The following TM7SF2 variants were observed in gnomAD, a reference collection of about 807,000 sequenced individuals.
TM7SF2 encodes the protein transmembrane 7 superfamily member 2, also known as delta(14)-sterol reductase TM7SF2.
TM7SF2 carries 51 observed loss-of-function variants against 51.0 expected under a neutral mutation model. That is an observed-to-expected ratio of 1.00 (90% confidence interval 0.80 to 1.26). The LOEUF (loss-of-function observed/expected upper bound fraction) is 1.26. TM7SF2 is among the 50% of genes most tolerant of loss of function. The probability of loss-of-function intolerance (pLI) is 0.00; values close to 1 mark genes in which losing one functional copy is unlikely to be tolerated. For missense variants in TM7SF2, 541 were observed against 547.4 expected (o/e 0.99, Z 0.12); for synonymous variants, 255 against 241.0 (o/e 1.06, Z -0.54).
Position 65,112,855 on chromosome 11 carries a change from T to G in TM7SF2, c.294T>G (p.Tyr98Ter). ...TGAAGGACAAGAGTCGCCTGCGCTATCCTATTAACGGTGCCTAGGGGACGG... is the reference window on the plus strand; with the variant it reads ...TGAAGGACAAGAGTCGCCTGCGCTAGCCTATTAACGGTGCCTAGGGGACGG... Reference protein sequence around the residue: ...QELKDKSRLRYPINGFQALVL... With the variant: ...QELKDKSRLR The change falls in exon 3 of 10, where the codon TAT (tyrosine) becomes TAG (stop). Residue 98 changes from tyrosine to a stop codon, truncating the protein, a stop_gained. Coordinates refer to ENST00000279263, the MANE Select transcript of TM7SF2 (RefSeq NM_003273.6). LOFTEE classifies it high-confidence loss of function. The G allele has an allele frequency of 6.5e-7, 1 of 1,550,188 alleles. No individual in the cohort carries two copies. The highest frequency in any genetic ancestry group is 8.7e-7 in the Non-Finnish European group (1 of 1,146,888).
At chr11:65,115,729 TG>T (rs1947972311) in intron 9 of TM7SF2, 131 bp downstream of exon 9, 7 of 1,571,956 alleles carry the variant, frequency 4.5e-6, no homozygotes, top group Non-Finnish European at 6.1e-6. Context: ...AGTGTGTGGC[TG>T]GGGCACACCT....
In TM7SF2 at chr11:65,112,506, T is replaced by G; in HGVS notation, c.53-9T>G. On this transcript the variant is annotated splice_polypyrimidine_tract_variant and intron_variant, in intron 1 of 9. Coordinates refer to ENST00000279263, the MANE Select transcript of TM7SF2 (RefSeq NM_003273.6). The stretch of plus-strand genomic sequence containing the variant: ...GGGCGGACGCCCGACGTGATGGCCC[T>G]TCCCGCAGGCGCCGCGGCTCTGCTA... The G allele has an allele frequency of 6.6e-7, 1 of 1,508,204 alleles. No homozygotes were observed. Among genetic ancestry groups the G allele is most frequent in the Middle Eastern group, 2.3e-4 (1 of 4,276 alleles). 93.4% of individuals were successfully genotyped at this position (1,508,204 alleles called of 1,614,324 possible).
intron 3 of TM7SF2, 126 bp from the exon 4 acceptor site, chr11:65,113,094 C>A: frequency 8.6e-7 from 1 of 1,162,886 alleles, no homozygotes; most frequent in Non-Finnish European, 1.2e-6. Flanking sequence ...CCTCTGAAGG[C>A]CAGGGTGGCA....
Position 65,112,834 on chromosome 11 carries a change from G to A in TM7SF2, c.273G>A (p.Lys91=). The A allele has an allele frequency of 6.4e-7, 1 of 1,550,768 alleles. No individual in the cohort carries two copies. The change falls in exon 3 of 10, where the codon AAG becomes AAA. Residue 91 remains lysine (K), a synonymous_variant. Coordinates refer to ENST00000279263, the MANE Select transcript of TM7SF2 (RefSeq NM_003273.6). Reference sequence around the variant, plus strand: ...AGGTGGCCGAGGGGCAGGAATTGAAGGACAAGAGTCGCCTGCGCTATCCTA... The same window carrying A: ...AGGTGGCCGAGGGGCAGGAATTGAAAGACAAGAGTCGCCTGCGCTATCCTA... The part of the protein sequence containing the change: ...ARKVAEGQEL[K]DKSRLRYPIN...
chr11:65,114,497 C>T (rs1413278301), intron 5 of TM7SF2, among the ~76,000 whole-genome samples: 7 of 152,270 alleles, frequency 4.6e-5, no homozygotes, highest in East Asian at 1.9e-4. Flanking sequence ...TCTGTTTGAG[C>T]ACTGAAGCCT....
At chr11:65,114,492 T>G (rs1183753242) in intron 5 of TM7SF2, among the ~76,000 whole-genome samples, 1 of 152,200 alleles carries the variant, frequency 6.6e-6, no homozygotes, top group African/African-American at 2.4e-5. Flanking sequence ...ACAGGTCTGT[T>G]TGAGCACTGA....
At chr11:65,114,417 G>A (rs1294518428) in intron 5 of TM7SF2, among the ~76,000 whole-genome samples, 1 of 152,210 alleles carries the variant, frequency 6.6e-6, no homozygotes, top group African/African-American at 2.4e-5. Flanking sequence ...TCACACAGGG[G>A]TGGGGGAAAG....
At chr11:65,112,940 C>A (rs1336175612) in intron 3 of TM7SF2, 75 bp downstream of exon 3, 3 of 1,512,382 alleles carry the variant, frequency 2.0e-6, no homozygotes, top group Non-Finnish European at 2.7e-6. Context: ...GGGAGGTCCA[C>A]GGAGATTGGC....
In TM7SF2 at chr11:65,114,944, A is replaced by C. The variant is rs1947957287; in HGVS notation, c.755A>C (p.His252Pro). ...GTCCTCACCACCATGGATATCACAC[A>C]TGACGGGTTTGGCTTCATGCTGGCG... is the stretch of plus-strand genomic sequence containing the variant. ...EAVLTTMDIT[H>P]DGFGFMLAFG... The change falls in exon 7 of 10, where the codon CAT becomes CCT. Residue 252 changes from histidine to proline, a missense_variant. Physicochemically the swap from His to Pro is moderately conservative, Grantham distance 77 (BLOSUM62 -2). Coordinates refer to ENST00000279263, the MANE Select transcript of TM7SF2 (RefSeq NM_003273.6). The C allele has an allele frequency of 6.2e-7, 1 of 1,614,024 alleles. No homozygotes were observed. The highest frequency in any genetic ancestry group is 8.5e-7 in the Non-Finnish European group (1 of 1,179,990).
chr11:65,113,043 T>C, intron 3 of TM7SF2, 177 bp from the exon 4 acceptor site: 1 of 1,032,246 alleles, frequency 9.7e-7, no homozygotes. Context: ...CCTTACCCCA[T>C]TTACTGCTAC....
At chr11:65,115,253 C>G in intron 7 of TM7SF2, 61 bp from the exon 8 acceptor site, 1 of 1,600,186 alleles carries the variant, frequency 6.2e-7, no homozygotes, top group South Asian at 1.1e-5. Context: ...GGCAGATGTT[C>G]GGGGTCAGGC....
At chr11:65,112,457 G>A in intron 1 of TM7SF2, 58 bp from the exon 2 acceptor site, 1 of 1,451,222 alleles carries the variant, frequency 6.9e-7, no homozygotes. Context: ...GCCCGTGCGG[G>A]CCGGCGGGGA....
intron 7 of TM7SF2, 96 bp from the exon 8 acceptor site, chr11:65,115,218 C>A (rs1435084608): frequency 1.3e-6 from 2 of 1,591,914 alleles, no homozygotes; most frequent in Non-Finnish European, 1.7e-6. Context: ...GGGGTCCAGG[C>A]AGAGTCTGGG....
chr11:65,112,715 C>T lies in TM7SF2; in HGVS notation c.249+4C>T, dbSNP rs1032417681. 1 of 1,546,974 alleles carries T rather than the reference C, an allele frequency of 6.5e-7. No individual in the cohort carries two copies. Among genetic ancestry groups the T allele is most frequent in the African/African-American group, 1.4e-5 (1 of 73,068 alleles). Reference sequence around the variant, plus strand: ...CTACCTACTGCCGGCGCGCAAGGTGCGGGCCCCGCTCGCGGACGCTCGGGG... The same window carrying T: ...CTACCTACTGCCGGCGCGCAAGGTGTGGGCCCCGCTCGCGGACGCTCGGGG... On this transcript the variant is annotated splice_donor_region_variant and intron_variant, in intron 2 of 9. Coordinates refer to ENST00000279263, the MANE Select transcript of TM7SF2 (RefSeq NM_003273.6).
intron 1 of TM7SF2, 144 bp from the exon 2 acceptor site, chr11:65,112,371 G>C (rs1947916487): frequency 2.1e-6 from 2 of 957,920 alleles, no homozygotes; most frequent in Admixed American, 6.8e-5. Flanking sequence ...CGGGGTGCCT[G>C]GGGGCCGAGG....
In TM7SF2 at chr11:65,116,046, TC is replaced by T. The variant is rs1456623679; in HGVS notation, c.1251del (p.Tyr418ThrfsTer50). The T allele has an allele frequency of 6.2e-7, 1 of 1,605,592 alleles. No individual in the cohort carries two copies. The highest frequency in any genetic ancestry group is 1.3e-5 in the African/African-American group (1 of 74,788). ...RRVPYRIMPY[I>X]Y Reference sequence around the variant, plus strand: ...GTGCCTTACCGCATCATGCCCTACATCTACTGAAGCGGCTCCACCACCCCAG... The same window carrying T: ...GTGCCTTACCGCATCATGCCCTACATTACTGAAGCGGCTCCACCACCCCAG... On this transcript the variant is annotated frameshift_variant, in exon 10 of 10. Transcript: ENST00000279263. LOFTEE classifies it high-confidence loss of function.
chr11:65,115,636 G>A (rs1359788906), intron 9 of TM7SF2, 38 bp downstream of exon 9: 2 of 1,611,908 alleles, frequency 1.2e-6, no homozygotes, highest in South Asian at 1.1e-5. Flanking sequence ...GGACATGTGA[G>A]GGGAAGAGGT....
rs1348733481 is a variant in TM7SF2 at position 65,115,901 on chromosome 11, C to T, written c.1105C>T (p.His369Tyr). ...AGCCTCCTTCTCTACAGGGGTGTCA[C>T]ACCTGCTGCCCTACTTCTACCTCCT... ...LAWSLPCGVS[H>Y]LLPYFYLLYF... Residue 369 changes from histidine to tyrosine, a missense_variant, in exon 10 of 10, where the codon CAC becomes TAC. Transcript: ENST00000279263. The T allele has an allele frequency of 6.2e-7, 1 of 1,614,072 alleles. No homozygotes were observed. The highest frequency in any genetic ancestry group is 8.5e-7 in the Non-Finnish European group (1 of 1,180,006).
Position 65,115,879 on chromosome 11 carries a change from C to G in TM7SF2, c.1097-14C>G. 6.2e-7 allele frequency: 1 copy of G among 1,614,040 alleles called. No individual in the cohort carries two copies. The highest frequency in any genetic ancestry group is 8.5e-7 in the Non-Finnish European group (1 of 1,180,002). ...GGGGCCGGCAGGGTGGTCACAGAGC[C>G]TCCTTCTCTACAGGGGTGTCACACC... On this transcript the variant is annotated splice_polypyrimidine_tract_variant and intron_variant, in intron 9 of 9. Coordinates refer to ENST00000279263, the MANE Select transcript of TM7SF2 (RefSeq NM_003273.6).
Sources: gnomAD v4.1 joint callset for allele counts (sites outside exome capture counted in the v4.1 genomes callset) on GRCh38, gnomAD v4.1.1 for gene constraint, MANE v1.5 for transcripts, NCBI Gene and HGNC (gene_info 2026-07-23, HGNC 2026-07-21) for gene names.